Variants in ARNT observed in about 807,000 individuals in gnomAD.
ARNT encodes aryl hydrocarbon receptor nuclear translocator.
Under a neutral mutation model 105.0 loss-of-function variants are expected in ARNT, and 30 were observed. That is an observed-to-expected ratio of 0.29 (90% CI 0.21 to 0.39). The LOEUF is 0.39. Among genes scored for constraint, ARNT ranks in the 10% least tolerant of loss-of-function variants. The pLI is 1.00. For synonymous variants in ARNT, 304 were observed against 344.0 expected, an observed-to-expected ratio of 0.88 and a Z score of 1.29; for missense variants, 748 against 978.7, an observed-to-expected ratio of 0.76 and a Z score of 3.15.
At chr1:150,829,000 T>G in intron 12 of ARNT, 93 bp downstream of exon 12, 2 of 1,420,994 alleles carry the variant, frequency 1.4e-6, no homozygotes, top group Non-Finnish European at 1.9e-6. Flanking sequence ...TAACTGAGGT[T>G]GATATGTTTT....
At chr1:150,816,194 A>G (rs778909238) in intron 19 of ARNT, 65 bp downstream of exon 19, 7 of 1,529,372 alleles carry the variant, frequency 4.6e-6, no homozygotes, top group East Asian at 2.4e-5. Context: ...CTGATTTTAC[A>G]TACGGAAAAA....
chr1:150,818,167 T>C, intron 14 of ARNT, 137 bp from the exon 15 acceptor site: 1 of 633,464 alleles, frequency 1.6e-6, no homozygotes, highest in Non-Finnish European at 2.7e-6. Context: ...AAATCCTTCA[T>C]TAAAGTCCTA....
intron 1 of ARNT, among the ~76,000 whole-genome samples, chr1:150,860,627 G>A (rs375818944): frequency 7.9e-5 from 12 of 151,936 alleles, no homozygotes; most frequent in East Asian, 3.9e-4. Flanking sequence ...AGGCCAAGGC[G>A]GGCATATCAC....
chr1:150,862,227 G>A (rs1016642097), intron 1 of ARNT, among the ~76,000 whole-genome samples: 2 of 152,080 alleles, frequency 1.3e-5, no homozygotes, highest in Non-Finnish European at 1.5e-5. Flanking sequence ...GAACATCATT[G>A]TGTATCTTCA....
chr1:150,824,955 G>C (rs1394406968), intron 13 of ARNT, among the ~76,000 whole-genome samples: 1 of 152,110 alleles, frequency 6.6e-6, no homozygotes, highest in Non-Finnish European at 1.5e-5. Context: ...TCTGCCTCCT[G>C]GGTTCAAGCA....
chr1:150,818,076 AG>A (rs1444444836), intron 14 of ARNT, 46 bp from the exon 15 acceptor site: 6 of 1,107,516 alleles, frequency 5.4e-6, no homozygotes, highest in Non-Finnish European at 6.5e-6. Context: ...AGAGGGAGGA[AG>A]GGGGGAGAGA....
chr1:150,816,160 A>G (rs967915501), intron 19 of ARNT, 99 bp downstream of exon 19: 11 of 1,417,678 alleles, frequency 7.8e-6, no homozygotes, highest in African/African-American at 4.5e-5. Flanking sequence ...GGGGTTGGGG[A>G]GAAGGTATTT....
At chr1:150,870,464 G>A (rs1426767984) in intron 1 of ARNT, among the ~76,000 whole-genome samples, 1 of 152,066 alleles carries the variant, frequency 6.6e-6, no homozygotes, top group Non-Finnish European at 1.5e-5. Context: ...GAAAGCAAAA[G>A]TTCTGCTCTC....
At chr1:150,836,567 A>C (rs1034391729) in intron 6 of ARNT, 74 bp from the exon 7 acceptor site, 23 of 1,454,048 alleles carry the variant, frequency 1.6e-5, no homozygotes, top group African/African-American at 9.8e-5. Flanking sequence ...AGGAAGAAGT[A>C]AGACACTTCA....
intron 12 of ARNT, among the ~76,000 whole-genome samples, chr1:150,828,012 A>C (rs1658616758): frequency 6.6e-6 from 1 of 152,138 alleles, no homozygotes; most frequent in South Asian, 2.1e-4. Flanking sequence ...TGTTTGTCTT[A>C]ATGAGTTGTT....
chr1:150,820,848 C>G (rs1656904907), intron 14 of ARNT, among the ~76,000 whole-genome samples: 1 of 152,090 alleles, frequency 6.6e-6, no homozygotes, highest in Non-Finnish European at 1.5e-5. Flanking sequence ...TTGGAAAATG[C>G]CTATGTGATA....
intron 5 of ARNT, among the ~76,000 whole-genome samples, chr1:150,841,513 G>A (rs1661300402): frequency 6.6e-6 from 1 of 152,084 alleles, no homozygotes; most frequent in African/African-American, 2.4e-5. Context: ...TAAACTGGCA[G>A]CAAAATGAGT....
At chr1:150,876,243 C>A (rs917746458) in intron 1 of ARNT, among the ~76,000 whole-genome samples, 1 of 152,208 alleles carries the variant, frequency 6.6e-6, no homozygotes, top group African/African-American at 2.4e-5. Context: ...ACAGACCAGA[C>A]GCCGACCGAG....
chr1:150,811,203 G>A lies in ARNT; in HGVS notation c.*818C>T, dbSNP rs1024438372. On this transcript the variant is annotated 3_prime_UTR_variant, in exon 22 of 22. Transcript: ENST00000358595. ...CCCAGCTTTATCACTGAATGTGTTC[G>A]ATAACAGACAATCGTATCAACAGCC... 2.4e-4 allele frequency: 55 copies of A among 233,532 alleles called. No individual in the cohort carries two copies. Among genetic ancestry groups the A allele is most frequent in the Middle Eastern group, 1.2e-3 (1 of 806 alleles). The allele number at this position is 233,532 out of a possible 1,614,324, so 14.5% of individuals were successfully genotyped here. A position where few individuals can be genotyped will look rare whatever the true frequency, so the allele number is the denominator to read the frequency against.
intron 10 of ARNT, 36 bp downstream of exon 10, chr1:150,831,782 T>A (rs1218170778): frequency 4.8e-6 from 7 of 1,472,862 alleles, no homozygotes; most frequent in Non-Finnish European, 5.7e-6. Flanking sequence ...GAACCAACTG[T>A]ACCAAGGGGA....
At chr1:150,863,114 A>G (rs1324539378) in intron 1 of ARNT, among the ~76,000 whole-genome samples, 1 of 151,616 alleles carries the variant, frequency 6.6e-6, no homozygotes. Flanking sequence ...CTGTAACCCC[A>G]GCACTTTAGG....
chr1:150,832,811 C>G (rs1571281325), intron 8 of ARNT, among the ~76,000 whole-genome samples: 1 of 152,162 alleles, frequency 6.6e-6, no homozygotes, highest in Non-Finnish European at 1.5e-5. Context: ...CTGTGGTTTG[C>G]TTACTCCTGC....
chr1:150,832,225 G>C, intron 9 of ARNT, 109 bp downstream of exon 9: 1 of 1,120,976 alleles, frequency 8.9e-7, no homozygotes, highest in Non-Finnish European at 1.3e-6. Flanking sequence ...GGAGGTAAGG[G>C]ATGCAAGTGA....
rs963321823 is a variant in ARNT at position 150,811,243 on chromosome 1, G to A, written c.*778C>T. On this transcript the variant is annotated 3_prime_UTR_variant, in exon 22 of 22. Coordinates refer to ENST00000358595, the MANE Select transcript of ARNT (RefSeq NM_001668.4). ...TATCAACAGCCGACTTTCTATATTT[G>A]CTTTACAGTTGTATATTGGCTGGGC... is the stretch of plus-strand genomic sequence containing the variant. 4.3e-6 allele frequency: 1 copy of A among 233,576 alleles called. No homozygotes were observed. Among genetic ancestry groups the A allele is most frequent in the African/African-American group, 2.2e-5 (1 of 45,322 alleles). The allele number at this position is 233,576 out of a possible 1,614,324, so 14.5% of individuals were successfully genotyped here. A position where few individuals can be genotyped will look rare whatever the true frequency, so the allele number is the denominator to read the frequency against.
Sources: gnomAD v4.1 joint callset for allele counts (sites outside exome capture counted in the v4.1 genomes callset) on GRCh38, gnomAD v4.1.1 for gene constraint, MANE v1.5 for transcripts, NCBI Gene and HGNC (gene_info 2026-07-23, HGNC 2026-07-21) for gene names.